QSOX1: variants seen among roughly 807,000 people sequenced by gnomAD.
QSOX1 encodes quiescin sulfhydryl oxidase 1.
A neutral mutation model predicts 76.1 loss-of-function variants in QSOX1; 40 were observed. The ratio of observed to expected loss-of-function variants is 0.53; its 90% confidence interval spans 0.41 to 0.68. QSOX1 has a LOEUF of 0.68. Ranked by LOEUF, QSOX1 falls within the 30% of genes least tolerant of loss-of-function variation. QSOX1 has a pLI of 0.00. For synonymous variants in QSOX1, 392 were observed against 413.1 expected (o/e 0.95, Z 0.62); for missense variants, 931 against 974.3 (o/e 0.96, Z 0.59).
chr1:180,196,294 G>C lies in QSOX1; in HGVS notation c.1501G>C (p.Val501Leu), dbSNP rs1216450543. 6.2e-7 allele frequency: 1 copy of C among 1,613,666 alleles called. No individual in the cohort carries two copies. The highest frequency in any genetic ancestry group is 2.2e-5 in the East Asian group (1 of 44,866). ...CAGCGAGGACCCCCAGTTCCCCAAG[G>C]TGCAGTGGCCACCCCGTGAACTTTG... ...APSEDPQFPK[V>L]QWPPRELCSA... Residue 501 changes from valine (V) to leucine (L), a missense_variant, in exon 12 of 12, where the codon GTG becomes CTG. By Grantham distance (32) the Val-to-Leu change is conservative. Transcript: ENST00000367602. This position sits in a 1 kb window ranked among gnomAD's most constrained non-coding sequence, Gnocchi z 4.1.
At chr1:180,176,844 A>G (rs960700472) in intron 4 of QSOX1, among the ~76,000 whole-genome samples, 19 of 152,200 alleles carry the variant, frequency 1.2e-4, no homozygotes, top group African/African-American at 4.3e-4. Context: ...AGGCCTCACA[A>G]GGCCGCTGTT....
At chr1:180,162,188 C>A (rs1463790740) in intron 1 of QSOX1, among the ~76,000 whole-genome samples, 1 of 152,122 alleles carries the variant, frequency 6.6e-6, no homozygotes, top group South Asian at 2.1e-4. Context: ...TGGGGATACA[C>A]CTTAATAGCA....
At chr1:180,190,309 C>T (rs1389497991) in intron 9 of QSOX1, 124 bp from the exon 10 acceptor site, 9 of 1,120,564 alleles carry the variant, frequency 8.0e-6, no homozygotes, top group Middle Eastern at 2.2e-4. Flanking sequence ...AGGGAAATGC[C>T]ACCTTCGAGG....
In QSOX1 at chr1:180,196,164, T is replaced by G; in HGVS notation, c.1469-98T>G. The G allele has an allele frequency of 1.4e-6, 2 of 1,446,590 alleles. No homozygotes were observed. The highest frequency in any genetic ancestry group is 1.9e-6 in the Non-Finnish European group (2 of 1,070,944). The allele number at this position is 1,446,590 out of a possible 1,614,324, so 89.6% of individuals were successfully genotyped here. A position where few individuals can be genotyped will look rare whatever the true frequency, so the allele number is the denominator to read the frequency against. ...TGGAAGGGCAGTGGCGAGCCCTTTC[T>G]GCAGACAAGGAAGCTGGCGTTCTGA... On this transcript the variant is annotated intron_variant, in intron 11 of 11. Transcript: ENST00000367602. This position sits in a 1 kb window ranked among gnomAD's most constrained non-coding sequence, Gnocchi z 4.1.
chr1:180,155,835 C>G (rs1015070478), intron 1 of QSOX1, among the ~76,000 whole-genome samples: 3 of 152,226 alleles, frequency 2.0e-5, no homozygotes, highest in Admixed American at 1.3e-4. Context: ...TCTTCCCCCG[C>G]TCAGACCCTT....
intron 8 of QSOX1, among the ~76,000 whole-genome samples, chr1:180,189,099 T>C (rs192812456): frequency 4.7e-4 from 72 of 152,318 alleles, no homozygotes; most frequent in South Asian, 4.6e-3. Context: ...CGTGCCCACC[T>C]AACCCAGCTG....
chr1:180,194,297 A>G lies in QSOX1; in HGVS notation c.1373A>G (p.Gln458Arg). ...CGAGACTGCGCTAGCCACTTCGAGCAGATGGCTGCTGCCTCCATGCACCGG... is the reference window on the plus strand; with the variant it reads ...CGAGACTGCGCTAGCCACTTCGAGCGGATGGCTGCTGCCTCCATGCACCGG... Reference protein sequence around the residue: ...GCRDCASHFEQMAAASMHRVG... With the variant: ...GCRDCASHFERMAAASMHRVG... Residue 458 changes from glutamine to arginine, a missense_variant, in exon 11 of 12, where the codon CAG becomes CGG. Gln to Arg is a conservative substitution (Grantham distance 43). Transcript: ENST00000367602. 5 of 1,612,614 alleles carry G rather than the reference A, an allele frequency of 3.1e-6. No homozygotes were observed. The highest frequency in any genetic ancestry group is 4.2e-6 in the Non-Finnish European group (5 of 1,179,028).
In QSOX1 at chr1:180,197,251, C is replaced by G. The variant is rs867195487; in HGVS notation, c.*214C>G. On this transcript the variant is annotated 3_prime_UTR_variant, in exon 12 of 12. Coordinates refer to ENST00000367602, the MANE Select transcript of QSOX1 (RefSeq NM_002826.5). ...CAGGAGCAGGGTCCAGGTTCCCCTG[C>G]TGTGCAGGGAGGGCAGCCCCGGGCA... 54 of 1,607,598 alleles carry G rather than the reference C, an allele frequency of 3.4e-5. 1 individual carries two copies. In the Middle Eastern group the frequency reaches 5.5e-3, roughly 163 times the overall value.
rs1036165804 is a variant in QSOX1, at chr1:180,198,479, G to T, written c.*1442G>T. ...AGCTGCTGATAATGAACCTCATTAA[G>T]GGGGAGCAGGAGCCTCAATCCGATT... On this transcript the variant is annotated 3_prime_UTR_variant, in exon 12 of 12. Coordinates refer to ENST00000367602, the MANE Select transcript of QSOX1 (RefSeq NM_002826.5). 1 of 435,990 alleles carries T rather than the reference G, an allele frequency of 2.3e-6. No individual in the cohort carries two copies. The highest frequency in any genetic ancestry group is 2.0e-5 in the African/African-American group (1 of 49,472). The allele number at this position is 435,990 out of a possible 1,614,324, so 27.0% of individuals were successfully genotyped here. A position where few individuals can be genotyped will look rare whatever the true frequency, so the allele number is the denominator to read the frequency against.
chr1:180,191,349 C>G (rs2281844), intron 10 of QSOX1, among the ~76,000 whole-genome samples: 115,656 of 152,206 alleles, frequency 0.76, 44,202 homozygotes, highest in Non-Finnish European at 0.78. Context: ...AGGGCAGGCT[C>G]GACGCCATTG....
At chr1:180,175,711 C>T (rs762558646) in intron 3 of QSOX1, among the ~76,000 whole-genome samples, 21 of 152,192 alleles carry the variant, frequency 1.4e-4, no homozygotes, top group Non-Finnish European at 1.0e-4. Flanking sequence ...CTGAGGGATT[C>T]TTTCCTGTCT....
chr1:180,169,318 A>G (rs1177065511), intron 2 of QSOX1, among the ~76,000 whole-genome samples: 2 of 152,102 alleles, frequency 1.3e-5, no homozygotes, highest in African/African-American at 4.8e-5. Context: ...GGGACTTTTT[A>G]TGGCCGAAGG....
intron 5 of QSOX1, among the ~76,000 whole-genome samples, chr1:180,181,831 A>C (rs1663044671): frequency 6.6e-6 from 1 of 152,200 alleles, no homozygotes; most frequent in Admixed American, 6.5e-5. Flanking sequence ...AAAACAAACG[A>C]GAATTAAAAT....
chr1:180,188,827 T>G (rs1255448835), intron 8 of QSOX1, among the ~76,000 whole-genome samples: 1 of 152,244 alleles, frequency 6.6e-6, no homozygotes, highest in Non-Finnish European at 1.5e-5. Context: ...GCTGTGTCCC[T>G]CTTTCTCCTG....
rs7513063 is a variant in QSOX1 at position 180,200,270 on chromosome 1, G to A, written c.*3233G>A. ...GTACCATGCTGGGCAAACACTAAGT[G>A]CTTAATAATGGTAGCCCACTGCTCA... On this transcript the variant is annotated 3_prime_UTR_variant, in exon 12 of 12. Coordinates refer to ENST00000367602, the MANE Select transcript of QSOX1 (RefSeq NM_002826.5). 21,766 of 152,236 alleles carry A rather than the reference G, an allele frequency of 0.14. 3,168 individuals are homozygous for A. The highest frequency in any genetic ancestry group is 0.37 in the African/African-American group (15,547 of 41,482). The allele number at this position is 152,236 out of a possible 1,614,324, so 9.4% of individuals were successfully genotyped here. A position where few individuals can be genotyped will look rare whatever the true frequency, so the allele number is the denominator to read the frequency against.
At chr1:180,158,481 G>T (rs1011141252) in intron 1 of QSOX1, among the ~76,000 whole-genome samples, 7 of 152,196 alleles carry the variant, frequency 4.6e-5, no homozygotes, top group Non-Finnish European at 1.5e-5. Flanking sequence ...CCTTCTGCTG[G>T]TGCCGTGGAT....
intron 2 of QSOX1, among the ~76,000 whole-genome samples, chr1:180,172,744 C>T (rs983975885): frequency 1.3e-5 from 2 of 152,170 alleles, no homozygotes; most frequent in Non-Finnish European, 2.9e-5. Context: ...GTCTCAAACT[C>T]CTGACCTCAA....
chr1:180,166,130 C>G (rs1662612443), intron 1 of QSOX1, among the ~76,000 whole-genome samples: 1 of 151,940 alleles, frequency 6.6e-6, no homozygotes, highest in Admixed American at 6.6e-5. Context: ...AAGGCAATAC[C>G]AGGGCTTTTC....
At chr1:180,188,451 A>C (rs1053397617) in intron 8 of QSOX1, among the ~76,000 whole-genome samples, 5 of 152,254 alleles carry the variant, frequency 3.3e-5, no homozygotes, top group African/African-American at 1.2e-4. Context: ...CTGTCGCCTT[A>C]GAAGGCGGAA....
Sources: gnomAD v4.1 joint callset for allele counts (sites outside exome capture counted in the v4.1 genomes callset) on GRCh38, gnomAD v4.1.1 for gene constraint, Gnocchi (gnomAD v3.1) non-coding constraint, MANE v1.5 for transcripts, NCBI Gene and HGNC (gene_info 2026-07-23, HGNC 2026-07-21) for gene names.